The following DNAH7 variants were observed in gnomAD, a reference collection of about 807,000 sequenced individuals.
DNAH7 encodes dynein axonemal heavy chain 7.
DNAH7 carries 397 observed loss-of-function variants against 444.6 expected under a neutral mutation model. The observed-to-expected ratio is 0.89, with a 90% CI of 0.82 to 0.97. The LOEUF is 0.97. DNAH7 is among the 50% of genes least tolerant of loss of function. DNAH7 has a pLI of 0.00. For missense variants in DNAH7, 4,902 were observed against 4,800.8 expected (o/e 1.02, Z -0.62); for synonymous variants, 1,636 against 1,624.4 (o/e 1.01, Z -0.17).
chr2:195,971,684 A>G (rs751053384), intron 16 of DNAH7, among the ~76,000 whole-genome samples: 1 of 152,158 alleles, frequency 6.6e-6, no homozygotes, highest in African/African-American at 2.4e-5. Flanking sequence ...CTGAAAAGTC[A>G]TGAGTGAGGA....
intron 25 of DNAH7, 26 bp downstream of exon 25, chr2:195,910,001 T>C (rs774926109): frequency 6.9e-6 from 11 of 1,597,822 alleles, no homozygotes. Flanking sequence ...TATCCTGTTG[T>C]AAAGAAATGA....
intron 12 of DNAH7, among the ~76,000 whole-genome samples, chr2:195,991,938 G>A (rs974271610): frequency 3.3e-5 from 5 of 152,088 alleles, no homozygotes; most frequent in African/African-American, 7.2e-5. Context: ...CCCAGCAACC[G>A]GAAAAATCTT....
At chr2:195,928,006 T>C (rs939242936) in intron 21 of DNAH7, among the ~76,000 whole-genome samples, 5 of 152,158 alleles carry the variant, frequency 3.3e-5, no homozygotes, top group Non-Finnish European at 7.4e-5. Context: ...GTTTGTTACA[T>C]GGGCATATTG....
rs763905160 is a variant in DNAH7, at chr2:195,824,262, G to C, written c.9284C>G (p.Ser3095Ter). 6.2e-7 allele frequency: 1 copy of C among 1,611,266 alleles called. No individual in the cohort carries two copies. Among genetic ancestry groups the C allele is most frequent in the Admixed American group, 1.7e-5 (1 of 59,812 alleles). ...TTCATTTTATATACTGGCCTTTACT[G>C]ATGTTTCAGGAAGATAATGAGGATT... ...LRNPHYLPET[S>*]VKVTLLNFMI... Residue 3095 changes from serine (S) to a stop codon, truncating the protein, a stop_gained, in exon 49 of 65, where the codon TCA becomes TGA. Coordinates refer to ENST00000312428, the MANE Select transcript of DNAH7 (RefSeq NM_018897.3). LOFTEE classifies it high-confidence loss of function.
intron 16 of DNAH7, 52 bp from the exon 17 acceptor site, chr2:195,970,146 G>C (rs1217563012): frequency 3.3e-6 from 5 of 1,518,222 alleles, no homozygotes; most frequent in Non-Finnish European, 4.4e-6. Flanking sequence ...ACCCCTTGCT[G>C]TCAAAAAATT....
intron 17 of DNAH7, among the ~76,000 whole-genome samples, chr2:195,969,269 G>A (rs755225361): frequency 5.9e-5 from 9 of 152,192 alleles, no homozygotes; most frequent in Middle Eastern, 6.8e-3. Flanking sequence ...TTTTCTCCAC[G>A]TATGTTGACA....
intron 19 of DNAH7, among the ~76,000 whole-genome samples, chr2:195,953,936 T>A (rs903368778): frequency 1.3e-5 from 2 of 152,308 alleles, no homozygotes; most frequent in East Asian, 1.9e-4. Flanking sequence ...TTTCAGCTCT[T>A]TGGAGAGCAT....
intron 9 of DNAH7, among the ~76,000 whole-genome samples, chr2:196,017,008 A>C (rs1695063794): frequency 6.6e-6 from 1 of 152,098 alleles, no homozygotes; most frequent in African/African-American, 2.4e-5. Flanking sequence ...TATTTTATTT[A>C]ATTTTAATTT....
At chr2:195,838,729 G>A (rs944612959) in intron 47 of DNAH7, among the ~76,000 whole-genome samples, 4 of 151,800 alleles carry the variant, frequency 2.6e-5, no homozygotes, top group African/African-American at 9.7e-5. Flanking sequence ...TATATTAAAA[G>A]TAAAATGATG....
rs1700837998 is a variant in DNAH7 at position 195,873,465 on chromosome 2, C to T, written c.6413+103G>A. ...ATGTTGTCTGTTAACTTTTCCTTAT[C>T]TAGGAATGCTTTTGTTCTTTGAAAT... On this transcript the variant is annotated intron_variant, in intron 39 of 64. Transcript: ENST00000312428. 4.0e-6 allele frequency: 3 copies of T among 748,612 alleles called. No homozygotes were observed. In the East Asian group the frequency reaches 1.0e-4, roughly 26 times the overall value. The allele number at this position is 748,612 out of a possible 1,614,324, so 46.4% of individuals were successfully genotyped here. A position where few individuals can be genotyped will look rare whatever the true frequency, so the allele number is the denominator to read the frequency against.
intron 8 of DNAH7, among the ~76,000 whole-genome samples, chr2:196,020,001 C>G (rs1240013593): frequency 6.6e-6 from 1 of 151,450 alleles, no homozygotes; most frequent in Non-Finnish European, 1.5e-5. Flanking sequence ...TCCTGCTCCT[C>G]TATCACTACC....
intron 7 of DNAH7, among the ~76,000 whole-genome samples, chr2:196,026,156 A>T (rs1355593431): frequency 1.3e-5 from 2 of 152,206 alleles, no homozygotes; most frequent in African/African-American, 4.8e-5. Context: ...CTTGTAGCTC[A>T]AAAGCAGCCA....
chr2:195,963,375 C>A (rs1365170973), intron 17 of DNAH7, among the ~76,000 whole-genome samples: 1 of 152,146 alleles, frequency 6.6e-6, no homozygotes, highest in African/African-American at 2.4e-5. Context: ...TGTTGAACAC[C>A]TTTCCAAATG....
chr2:195,757,382 C>G (rs6751435), intron 61 of DNAH7, among the ~76,000 whole-genome samples: 1 of 152,112 alleles, frequency 6.6e-6, no homozygotes, highest in Non-Finnish European at 1.5e-5. Flanking sequence ...ATGACTGATG[C>G]ACGGATGTTA....
chr2:195,881,353 A>T (rs1559178919), intron 36 of DNAH7, among the ~76,000 whole-genome samples: 2 of 152,338 alleles, frequency 1.3e-5, no homozygotes, highest in East Asian at 3.9e-4. Context: ...AGCATTTTCT[A>T]TTACAGCATC....
intron 48 of DNAH7, among the ~76,000 whole-genome samples, chr2:195,830,540 A>G (rs1338339766): frequency 6.6e-6 from 1 of 152,224 alleles, no homozygotes; most frequent in Non-Finnish European, 1.5e-5. Context: ...GCCCTTAAGC[A>G]GCTTGTAGAA....
At position 195,777,999 on chromosome 2, in the gene DNAH7, TGTCA is replaced by T; in HGVS notation, c.10879-18_10879-15del. ...ATACGGCAGTTCCTAAAATAGTGCG[TGTCA>T]GTCAACCAGTTATCAGTAGCATGTT... On this transcript the variant is annotated splice_polypyrimidine_tract_variant and intron_variant, in intron 58 of 64. Transcript: ENST00000312428. 9 of 1,583,336 alleles carry T rather than the reference TGTCA, an allele frequency of 5.7e-6. No homozygotes were observed. The highest frequency in any genetic ancestry group is 7.8e-6 in the Non-Finnish European group (9 of 1,160,314).
intron 1 of DNAH7, chr2:196,063,830 T>C (rs1373341806): frequency 1.3e-5 from 2 of 152,222 alleles, no homozygotes; most frequent in Admixed American, 6.5e-5. Context: ...TCTATCCTTC[T>C]GCAACTTTTC....
chr2:195,987,335 G>A, intron 13 of DNAH7, 142 bp from the exon 14 acceptor site: 1 of 563,088 alleles, frequency 1.8e-6, no homozygotes, highest in Non-Finnish European at 2.9e-6. Flanking sequence ...TTCAGGGAGG[G>A]TTTTCCAAAT....
Sources: gnomAD v4.1 joint callset for allele counts (sites outside exome capture counted in the v4.1 genomes callset) on GRCh38, gnomAD v4.1.1 for gene constraint, MANE v1.5 for transcripts, NCBI Gene and HGNC (gene_info 2026-07-23, HGNC 2026-07-21) for gene names.